SLC9B1: variants seen among roughly 807,000 people sequenced by gnomAD.
SLC9B1 encodes sodium/hydrogen exchanger 9B1.
In SLC9B1, 32 loss-of-function variants were observed where a neutral mutation model predicts 51.7. That is an observed-to-expected ratio of 0.62 (90% CI 0.47 to 0.83). The LOEUF is 0.83. SLC9B1 is among the 40% of genes least tolerant of loss of function. The pLI is 0.00. For missense variants in SLC9B1, 406 were observed against 613.2 expected (o/e 0.66, Z 3.57); for synonymous variants, 145 against 212.7 (o/e 0.68, Z 2.77).
intron 10 of SLC9B1, among the ~76,000 whole-genome samples, chr4:102,906,011 C>T (rs990676475): frequency 2.6e-5 from 4 of 152,150 alleles, no homozygotes; most frequent in African/African-American, 7.2e-5. Flanking sequence ...TCTCAACTCA[C>T]TGCAACTTCC....
chr4:103,015,710 C>G (rs141218544), intron 1 of SLC9B1, among the ~76,000 whole-genome samples: 2 of 152,250 alleles, frequency 1.3e-5, no homozygotes, highest in East Asian at 3.9e-4. Context: ...ACTAATCTTG[C>G]GTCATACCTT....
chr4:102,997,677 C>A (rs1740299254), intron 1 of SLC9B1, among the ~76,000 whole-genome samples: 1 of 151,878 alleles, frequency 6.6e-6, no homozygotes. Flanking sequence ...TGGCTTTAAC[C>A]TGCTGTTACA....
At chr4:102,921,398 G>C (rs543015587) in intron 7 of SLC9B1, among the ~76,000 whole-genome samples, 221 of 152,254 alleles carry the variant, frequency 1.5e-3, no homozygotes, top group African/African-American at 5.0e-3. Context: ...CCTTACAAGA[G>C]CTCCTGAAGG....
At chr4:102,968,966 T>A (rs1738589078) in intron 3 of SLC9B1, among the ~76,000 whole-genome samples, 1 of 152,156 alleles carries the variant, frequency 6.6e-6, no homozygotes, top group Non-Finnish European at 1.5e-5. Flanking sequence ...TGCAAGGTGG[T>A]AGCCTGGGCT....
chr4:102,984,257 A>G lies in SLC9B1; in HGVS notation c.211+5543T>C, dbSNP rs529284124. On this transcript the variant is annotated intron_variant, in intron 3 of 11. Coordinates refer to ENST00000296422, the MANE Select transcript of SLC9B1 (RefSeq NM_139173.4). ...CAGCCTCCCAAGTAGCTGAGACTAC[A>G]GGCATGCGTCACCACACTCAGCTAA... 1.8e-4 allele frequency among the ~76,000 whole-genome samples: 28 copies of G among 152,172 alleles called. No homozygotes were observed. In the South Asian group the frequency reaches 5.6e-3, roughly 30 times the overall value.
In SLC9B1 at chr4:102,905,621, A is replaced by C. The variant is rs1224243248; in HGVS notation, c.1225T>G (p.Leu409Val). The change falls in exon 11 of 12, where the codon TTA (leucine) becomes GTA (valine). Residue 409 changes from leucine (L) to valine (V), a missense_variant. Around this residue, in one of 6 missense-constraint regions of SLC9B1, gnomAD observed 250 missense variants for 394.1 expected, o/e 0.63. Coordinates refer to ENST00000296422, the MANE Select transcript of SLC9B1 (RefSeq NM_139173.4). ...GISVATLSLALCVRILTTYLL... is the reference protein window; with the variant it reads ...GISVATLSLAVCVRILTTYLL... ...TATGTGGTTAAAATTCGAACACATA[A>C]TGCCAAACTTAGAGTGGCAACAGAT... 1 of 1,611,494 alleles carries C rather than the reference A, an allele frequency of 6.2e-7. No homozygotes were observed. The highest frequency in any genetic ancestry group is 1.7e-5 in the Admixed American group (1 of 59,962).
chr4:102,950,855 C>G (rs577408076), intron 3 of SLC9B1, among the ~76,000 whole-genome samples: 3 of 152,214 alleles, frequency 2.0e-5, no homozygotes, highest in Non-Finnish European at 4.4e-5. Context: ...ATTAGCCTGG[C>G]CTGTTGGCGC....
Position 102,981,597 on chromosome 4 carries a change from A to G in SLC9B1, c.211+8203T>C, listed in dbSNP as rs535636423. Among the ~76,000 whole-genome samples the G allele has an allele frequency of 1.3e-3, 204 of 152,236 alleles. No individual in the cohort carries two copies. The Middle Eastern group carries it at 0.017, about 13-fold the overall frequency. ...CTGTTGTGTTAATTTACAATTACCTAATGACCTATCATGTTGAGCATCTTT... is the reference window on the plus strand; with the variant it reads ...CTGTTGTGTTAATTTACAATTACCTGATGACCTATCATGTTGAGCATCTTT... On this transcript the variant is annotated intron_variant, in intron 3 of 11. Transcript: ENST00000296422.
At chr4:102,896,712 G>C (rs1578326637), downstream of SLC9B1, 1 of 152,166 alleles carries the variant, frequency 6.6e-6, no homozygotes, top group Non-Finnish European at 1.5e-5. Flanking sequence ...GGGGACCCTT[G>C]GTTGCCTCCT....
intron 5 of SLC9B1, among the ~76,000 whole-genome samples, chr4:102,946,401 CTCAGGT>C (rs1737269472): frequency 6.6e-6 from 1 of 152,170 alleles, no homozygotes; most frequent in African/African-American, 2.4e-5. Context: ...ACCTCCGTCT[CTCAGGT>C]TCAAGCAATT....
intron 6 of SLC9B1, among the ~76,000 whole-genome samples, chr4:102,936,164 T>C (rs184737665): frequency 0.01 from 1,553 of 152,234 alleles, 34 homozygotes; most frequent in African/African-American, 0.034. Context: ...CTTTGCCCCC[T>C]GAAATCTTCC....
chr4:102,967,777 T>C (rs1247303318), intron 3 of SLC9B1, among the ~76,000 whole-genome samples: 5 of 151,998 alleles, frequency 3.3e-5, no homozygotes, highest in Non-Finnish European at 5.9e-5. Flanking sequence ...GTAAAGACAC[T>C]CAAACTATAG....
intron 1 of SLC9B1, among the ~76,000 whole-genome samples, chr4:102,996,009 T>C (rs562424922): frequency 6.6e-6 from 1 of 152,326 alleles, no homozygotes; most frequent in Non-Finnish European, 1.5e-5. Flanking sequence ...TATGGTCATA[T>C]AACTAGCAAG....
Position 102,890,854 on chromosome 4 carries a change from GTC to G in SLC9B1, c.1333-5528_1333-5527del, listed in dbSNP as rs1168623936. The G allele has an allele frequency of 9.7e-4, 69 of 71,216 alleles. 1 individual carries two copies. The highest frequency in any genetic ancestry group is 5.4e-3 in the African/African-American group (67 of 12,414). The allele number at this position is 71,216 out of a possible 1,614,324, so 4.4% of individuals were successfully genotyped here. On this transcript the variant is annotated intron_variant, in intron 11 of 11. Coordinates refer to the SLC9B1 transcript ENST00000394789. The stretch of plus-strand genomic sequence containing the variant: ...AAACCCTATCTTAAAAAAAAAAAAA[GTC>G]TTTTTTTTTTTTCATCTAATCAAAT...
chr4:102,958,933 A>T (rs1443066401), intron 3 of SLC9B1, among the ~76,000 whole-genome samples: 2 of 152,202 alleles, frequency 1.3e-5, no homozygotes, highest in African/African-American at 4.8e-5. Flanking sequence ...AAGAAAAAAA[A>T]AAATCAACAG....
chr4:102,984,643 C>T (rs1012085001), intron 3 of SLC9B1, among the ~76,000 whole-genome samples: 13 of 152,096 alleles, frequency 8.5e-5, no homozygotes, highest in South Asian at 8.3e-4. Flanking sequence ...CCATATTAGC[C>T]GGAGCAGAAT....
chr4:102,990,835 A>G (rs1414983325), intron 2 of SLC9B1, among the ~76,000 whole-genome samples: 1 of 152,114 alleles, frequency 6.6e-6, no homozygotes, highest in Non-Finnish European at 1.5e-5. Flanking sequence ...ATATCAAGGC[A>G]GCTGATGGTT....
intron 6 of SLC9B1, among the ~76,000 whole-genome samples, chr4:102,933,103 T>C (rs1245576119): frequency 6.6e-6 from 1 of 152,188 alleles, no homozygotes; most frequent in Non-Finnish European, 1.5e-5. Flanking sequence ...TGTGTAGAAA[T>C]GCTTTTGGTG....
intron 3 of SLC9B1, among the ~76,000 whole-genome samples, chr4:102,951,001 A>C (rs1286081445): frequency 6.6e-6 from 1 of 151,952 alleles, no homozygotes; most frequent in Non-Finnish European, 1.5e-5. Flanking sequence ...ATCTCAAGAA[A>C]ACAAAACAAA....
Sources: allele counts gnomAD v4.1 joint callset (sites outside exome capture counted in the v4.1 genomes callset), GRCh38; gene constraint gnomAD v4.1.1; regional missense constraint gnomAD v4.1.1; transcripts MANE v1.5; gene names NCBI Gene and HGNC (gene_info 2026-07-23, HGNC 2026-07-21).